RRM2: variants seen among roughly 807,000 people sequenced by gnomAD.
The protein encoded by RRM2 is ribonucleoside-diphosphate reductase subunit M2.
A neutral mutation model predicts 45.9 loss-of-function variants in RRM2; 6 were observed. The observed-to-expected ratio is 0.13, with a 90% CI of 0.07 to 0.26. The LOEUF (loss-of-function observed/expected upper bound fraction) is 0.26, where lower values mean the gene tolerates loss of function less well. Ranked by LOEUF, RRM2 falls within the 10% of genes least tolerant of loss-of-function variation. The pLI is 1.00. For synonymous variants in RRM2, 177 were observed against 173.0 expected, an observed-to-expected ratio of 1.02 and a Z score of -0.18; for missense variants, 343 against 489.5, an observed-to-expected ratio of 0.70 and a Z score of 2.82.
At chr2:10,128,773 G>A in intron 7 of RRM2, 75 bp from the exon 8 acceptor site, 1 of 1,082,600 alleles carries the variant, frequency 9.2e-7, no homozygotes, top group Non-Finnish European at 1.4e-6. Flanking sequence ...ATGCAGAAAA[G>A]GACAAAGTAA....
intron 3 of RRM2, among the ~76,000 whole-genome samples, chr2:10,197,212 C>T (rs1248296046): frequency 1.3e-5 from 2 of 152,264 alleles, no homozygotes; most frequent in Non-Finnish European, 2.9e-5. Context: ...CCTCCGAGGG[C>T]TGGTGTGCGG....
In RRM2 at chr2:10,205,549, G is replaced by A. The variant is rs144098756; in HGVS notation, n.483-4762G>A. 5.5e-3 allele frequency among the ~76,000 whole-genome samples: 839 copies of A among 152,286 alleles called. 7 individuals carry two copies. Among genetic ancestry groups the A allele is most frequent in the African/African-American group, 0.019 (802 of 41,562 alleles). On this transcript the variant is annotated intron_variant and non_coding_transcript_variant, in intron 3 of 3. Transcript: ENST00000381786. The surrounding 1 kb of genome is among the most constrained non-coding windows in gnomAD (Gnocchi z 4.8). ...TTCTAGTTTCTCAGGGAATGAGGCAGGAGGAGAGACATGGAAAGGGAGAGA... is the reference window on the plus strand; with the variant it reads ...TTCTAGTTTCTCAGGGAATGAGGCAAGAGGAGAGACATGGAAAGGGAGAGA...
intron 4 of RRM2, chr2:10,124,255 G>A (rs1457919729): frequency 2.9e-5 from 7 of 244,810 alleles, no homozygotes; most frequent in Admixed American, 2.1e-4. Flanking sequence ...ACAGACGTGC[G>A]CCACCATGCC....
In RRM2 at chr2:10,195,521, G is replaced by T. The variant is rs1039909034; in HGVS notation, n.483-14790G>T. Among the ~76,000 whole-genome samples the T allele has an allele frequency of 2.0e-5, 3 of 152,234 alleles. No homozygotes were observed. The highest frequency in any genetic ancestry group is 4.4e-5 in the Non-Finnish European group (3 of 68,028). ...TCAGGCAGTAGGTGAGCCCTGAAGG[G>T]TGAGGTTGCTTCAGCTGGATGAGAG... On this transcript the variant is annotated intron_variant and non_coding_transcript_variant, in intron 3 of 3. Transcript: ENST00000381786. The surrounding 1 kb of genome is among the most constrained non-coding windows in gnomAD (Gnocchi z 4.9).
chr2:10,175,423 A>G (rs1259866742), intron 3 of RRM2, among the ~76,000 whole-genome samples: 2 of 152,236 alleles, frequency 1.3e-5, no homozygotes, highest in African/African-American at 4.8e-5. Flanking sequence ...TGTACAGTTC[A>G]ACGTTATTAA....
chr2:10,206,347 A>G (rs1245101773), intron 3 of RRM2, among the ~76,000 whole-genome samples: 1 of 152,230 alleles, frequency 6.6e-6, no homozygotes, highest in Non-Finnish European at 1.5e-5. Flanking sequence ...TATCTGCATA[A>G]AAAGACTTGA....
At chr2:10,163,583 G>A (rs937298615) in intron 3 of RRM2, among the ~76,000 whole-genome samples, 1 of 152,196 alleles carries the variant, frequency 6.6e-6, no homozygotes, top group African/African-American at 2.4e-5. Flanking sequence ...TGAGCAGATG[G>A]AGCCCACTCA....
In RRM2 at chr2:10,122,998, G is replaced by A. The variant is rs1367888464; in HGVS notation, c.115G>A (p.Gly39Arg). The change falls in exon 2 of 10, where the codon GGG becomes AGG. Residue 39 changes from glycine (G) to arginine (R), a missense_variant. Around this residue, in one of 2 missense-constraint regions of RRM2, gnomAD observed 131 missense variants for 121.4 expected, o/e 1.08. Coordinates refer to ENST00000304567, the MANE Select transcript of RRM2 (RefSeq NM_001034.4). ...DKENTPPALS[G>R]TRVLASKTAR... The stretch of plus-strand genomic sequence containing the variant: ...CTCCCCGCAGCCGCCGGCCCTGAGC[G>A]GGACCCGCGTCCTGGCCAGCAAGAC... 1.3e-6 allele frequency: 2 copies of A among 1,560,798 alleles called. No individual in the cohort carries two copies. Among genetic ancestry groups the A allele is most frequent in the East Asian group, 4.6e-5 (2 of 43,150 alleles).
rs1394008570 is a variant in RRM2 at position 10,169,722 on chromosome 2, C to T, written n.482+27347C>T. Among the ~76,000 whole-genome samples, 1 of 152,172 alleles carries T rather than the reference C, an allele frequency of 6.6e-6. No individual in the cohort carries two copies. The highest frequency in any genetic ancestry group is 1.5e-5 in the Non-Finnish European group (1 of 68,022). On this transcript the variant is annotated intron_variant and non_coding_transcript_variant, in intron 3 of 3. Coordinates refer to the RRM2 transcript ENST00000381786. The surrounding 1 kb of genome is among the most constrained non-coding windows in gnomAD (Gnocchi z 5.1). ...GCTCATGCCATGAAAATGAGTGTCTCTGAGTTTGGAGAGCTGGCCTCCGCA... is the reference window on the plus strand; with the variant it reads ...GCTCATGCCATGAAAATGAGTGTCTTTGAGTTTGGAGAGCTGGCCTCCGCA...
chr2:10,164,979 G>C (rs181442621), intron 3 of RRM2, among the ~76,000 whole-genome samples: 3 of 152,326 alleles, frequency 2.0e-5, no homozygotes, highest in African/African-American at 7.2e-5. Context: ...CCGCACAGAG[G>C]GGACCCCGCT....
In RRM2 at chr2:10,187,839, T is replaced by C. The variant is rs1012895452; in HGVS notation, n.483-22472T>C. 2.0e-5 allele frequency among the ~76,000 whole-genome samples: 3 copies of C among 152,168 alleles called. No individual in the cohort carries two copies. In the East Asian group the frequency reaches 5.8e-4, roughly 29 times the overall value. On this transcript the variant is annotated intron_variant and non_coding_transcript_variant, in intron 3 of 3. Transcript: ENST00000381786. ...CGAGGAGAGCCATCCGCTTCCTGCT[T>C]CTGCAGCATTCGGCCATTTGCCCAA...
intron 3 of RRM2, among the ~76,000 whole-genome samples, chr2:10,143,875 C>T (rs561445194): frequency 2.6e-5 from 4 of 152,276 alleles, no homozygotes; most frequent in African/African-American, 9.6e-5. Flanking sequence ...ACCATGTTGG[C>T]CAGGATGGTC....
exon 4 of RRM2, chr2:10,210,579 A>AC (rs748743330): frequency 2.4e-5 from 33 of 1,364,964 alleles, no homozygotes; most frequent in South Asian, 1.5e-4. Context: ...CCATTCTCAG[A>AC]CCCCCCAGGG....
At chr2:10,123,263 G>A in intron 2 of RRM2, 124 bp from the exon 3 acceptor site, 3 of 1,339,062 alleles carry the variant, frequency 2.2e-6, no homozygotes, top group Non-Finnish European at 3.0e-6. Context: ...GAGTGCGACG[G>A]GACAGCCACG....
intron 3 of RRM2, among the ~76,000 whole-genome samples, chr2:10,202,382 G>A (rs1664583155): frequency 1.3e-5 from 2 of 152,214 alleles, no homozygotes; most frequent in Admixed American, 1.3e-4. Flanking sequence ...AGCACCAAAT[G>A]TAAGACTTGA....
intron 3 of RRM2, among the ~76,000 whole-genome samples, chr2:10,156,800 G>A (rs570336340): frequency 3.9e-4 from 59 of 152,170 alleles, no homozygotes; most frequent in African/African-American, 1.2e-3. Flanking sequence ...CACCACACCC[G>A]GCTACTTTTT....
intron 3 of RRM2, among the ~76,000 whole-genome samples, chr2:10,182,019 G>A (rs918739467): frequency 1.3e-5 from 2 of 151,978 alleles, no homozygotes; most frequent in Non-Finnish European, 2.9e-5. Context: ...TCATTCCTCA[G>A]CCTCCCAAAG....
At chr2:10,200,125 AC>A (rs1217011515) in intron 3 of RRM2, among the ~76,000 whole-genome samples, 1 of 152,146 alleles carries the variant, frequency 6.6e-6, no homozygotes, top group Non-Finnish European at 1.5e-5. Flanking sequence ...GAACCACCGC[AC>A]CCAGCTGTGG....
At position 10,200,517 on chromosome 2, in the gene RRM2, A is replaced by G. The variant is rs1419518679; in HGVS notation, n.483-9794A>G. Among the ~76,000 whole-genome samples, 85 of 10,468 alleles carry G rather than the reference A, an allele frequency of 8.1e-3. 5 individuals carry two copies. Among genetic ancestry groups the G allele is most frequent in the East Asian group, 0.048 (9 of 186 alleles). 6.9% of individuals were successfully genotyped at this position (10,468 alleles called of 152,430 possible). A position where few individuals can be genotyped will look rare whatever the true frequency, so the allele number is the denominator to read the frequency against. On this transcript the variant is annotated intron_variant and non_coding_transcript_variant, in intron 3 of 3. Coordinates refer to the RRM2 transcript ENST00000381786. ...CGCGCACACAAAATATGAGGCCCAC[A>G]GGGACTGCGCGCACAAATTATGAGT...
Sources: gnomAD v4.1 joint callset for allele counts (sites outside exome capture counted in the v4.1 genomes callset) on GRCh38, gnomAD v4.1.1 for gene constraint, gnomAD v4.1.1 regional missense constraint, Gnocchi (gnomAD v3.1) non-coding constraint, MANE v1.5 for transcripts, NCBI Gene and HGNC (gene_info 2026-07-23, HGNC 2026-07-21) for gene names.